Variants in TRIO observed in about 807,000 individuals in gnomAD.
TRIO encodes the protein triple functional domain protein.
Under a neutral mutation model 351.9 loss-of-function variants are expected in TRIO, and 58 were observed. The ratio of observed to expected loss-of-function variants is 0.16; its 90% CI spans 0.13 to 0.21. The LOEUF is 0.21. TRIO is among the 10% of genes least tolerant of loss of function. TRIO has a pLI of 1.00. For missense variants in TRIO, 3,201 were observed against 4,027.8 expected, an observed-to-expected ratio of 0.79 and a Z score of 5.56; for synonymous variants, 1,758 against 1,595.7, an observed-to-expected ratio of 1.10 and a Z score of -2.42.
Position 14,163,643 on chromosome 5 carries a change from C to G in TRIO, c.157+19761C>G, listed in dbSNP as rs187334614. On this transcript the variant is annotated intron_variant, in intron 1 of 56. Coordinates refer to ENST00000344204, the MANE Select transcript of TRIO (RefSeq NM_007118.4). Reference sequence around the variant, plus strand: ...ATTGCCTCTTGCAGGGAGCTGCATCCTGATTGGGATTCTGGCACATTCACA... The same window carrying G: ...ATTGCCTCTTGCAGGGAGCTGCATCGTGATTGGGATTCTGGCACATTCACA... 5.4e-3 allele frequency among the ~76,000 whole-genome samples: 830 copies of G among 152,318 alleles called. 6 individuals carry two copies. The highest frequency in any genetic ancestry group is 0.019 in the African/African-American group (801 of 41,562).
intron 54 of TRIO, 118 bp downstream of exon 54, chr5:14,502,775 T>G (rs1296263884): frequency 1.0e-6 from 1 of 992,634 alleles, no homozygotes. Flanking sequence ...GCTGTGTGTC[T>G]TGCATTTGAA....
At chr5:14,489,864 C>T (rs1019189214) in intron 48 of TRIO, among the ~76,000 whole-genome samples, 2 of 152,156 alleles carry the variant, frequency 1.3e-5, no homozygotes, top group South Asian at 2.1e-4. Context: ...CCTACTTGTT[C>T]TCATGTGGCA....
At position 14,349,787 on chromosome 5, in the gene TRIO, G is replaced by A. The variant is rs186575507; in HGVS notation, c.2047-8391G>A. Among the ~76,000 whole-genome samples, 93 of 152,306 alleles carry A rather than the reference G, an allele frequency of 6.1e-4. 2 individuals carry two copies. The highest frequency in any genetic ancestry group is 8.5e-4 in the Admixed American group (13 of 15,294). On this transcript the variant is annotated intron_variant, in intron 11 of 56. Transcript: ENST00000344204. ...AGGCTTGTTATATAGATAAACTCATGTCACAGGGGGTTGGTGTACAGATTA... is the reference window on the plus strand; with the variant it reads ...AGGCTTGTTATATAGATAAACTCATATCACAGGGGGTTGGTGTACAGATTA...
At chr5:14,192,628 G>T (rs1358297630) in intron 1 of TRIO, among the ~76,000 whole-genome samples, 1 of 152,114 alleles carries the variant, frequency 6.6e-6, no homozygotes, top group Non-Finnish European at 1.5e-5. Flanking sequence ...AGAATATAAT[G>T]GGACCCTACT....
rs1173483619 is a variant in TRIO, at chr5:14,405,862, G to A, written c.4731G>A (p.Glu1577=). The change falls in exon 32 of 57, where the codon GAG becomes GAA. Residue 1577 remains glutamate (E), a synonymous_variant. Transcript: ENST00000344204. ...ACCTTGTTAAGGCTTCCAGCATAGA[G>A]AACAAGCAGGACTGGATAAAGCATA... ...NKIVLKASSI[E]NKQDWIKHIR... 1 of 1,613,954 alleles carries A rather than the reference G, an allele frequency of 6.2e-7. No homozygotes were observed. The highest frequency in any genetic ancestry group is 8.5e-7 in the Non-Finnish European group (1 of 1,179,980).
At chr5:14,214,410 A>G (rs1792102869) in intron 1 of TRIO, among the ~76,000 whole-genome samples, 1 of 152,178 alleles carries the variant, frequency 6.6e-6, no homozygotes, top group African/African-American at 2.4e-5. Context: ...CCACACACTG[A>G]AAAACTCAGA....
intron 48 of TRIO, among the ~76,000 whole-genome samples, chr5:14,489,629 C>T (rs541609245): frequency 1.8e-4 from 28 of 152,188 alleles, no homozygotes; most frequent in Non-Finnish European, 3.7e-4. Flanking sequence ...CCATTCAGTA[C>T]GAGAGGAGAT....
intron 34 of TRIO, among the ~76,000 whole-genome samples, chr5:14,456,634 G>A (rs1753333070): frequency 6.6e-6 from 1 of 152,196 alleles, no homozygotes; most frequent in African/African-American, 2.4e-5. Flanking sequence ...CCTCTTCTGG[G>A]GAAAGGCAAC....
At chr5:14,461,713 C>T (rs1753823881) in intron 35 of TRIO, among the ~76,000 whole-genome samples, 1 of 152,226 alleles carries the variant, frequency 6.6e-6, no homozygotes, top group Non-Finnish European at 1.5e-5. Flanking sequence ...CTGAGCTGAT[C>T]ATTGTGGCAG....
intron 1 of TRIO, among the ~76,000 whole-genome samples, chr5:14,168,236 C>T (rs1488239055): frequency 6.6e-6 from 1 of 152,180 alleles, no homozygotes; most frequent in Admixed American, 6.5e-5. Context: ...TTTCATGGAC[C>T]TTATCATCCG....
chr5:14,293,173 G>T, intron 6 of TRIO, 39 bp downstream of exon 6: 1 of 1,612,938 alleles, frequency 6.2e-7, no homozygotes, highest in Non-Finnish European at 8.5e-7. Context: ...GCATGTGACA[G>T]TGTTTTAGCA....
At chr5:14,385,568 C>A (rs1033953130) in intron 21 of TRIO, among the ~76,000 whole-genome samples, 1 of 152,154 alleles carries the variant, frequency 6.6e-6, no homozygotes, top group Non-Finnish European at 1.5e-5. Flanking sequence ...TATACATTTG[C>A]GCACTTGCTT....
At chr5:14,402,145 T>A (rs1430880405) in intron 31 of TRIO, among the ~76,000 whole-genome samples, 2 of 152,232 alleles carry the variant, frequency 1.3e-5, no homozygotes, top group African/African-American at 4.8e-5. Context: ...TAAATTTAAA[T>A]AACTGTATTT....
At chr5:14,246,798 T>G (rs1794464872) in intron 1 of TRIO, among the ~76,000 whole-genome samples, 1 of 152,178 alleles carries the variant, frequency 6.6e-6, no homozygotes, top group Non-Finnish European at 1.5e-5. Flanking sequence ...TCTGCTTCTG[T>G]CTCTGCACCT....
intron 21 of TRIO, among the ~76,000 whole-genome samples, chr5:14,382,343 C>T (rs1382520606): frequency 1.3e-5 from 2 of 152,204 alleles, no homozygotes; most frequent in Non-Finnish European, 2.9e-5. Flanking sequence ...TTACTGACTC[C>T]TCCTGCTCTT....
chr5:14,366,809 A>C, intron 15 of TRIO, 51 bp from the exon 16 acceptor site: 1 of 1,611,290 alleles, frequency 6.2e-7, no homozygotes, highest in Non-Finnish European at 8.5e-7. Flanking sequence ...GGTGGTCCAC[A>C]GGATTCTCTG....
At chr5:14,354,962 A>G (rs990802240) in intron 11 of TRIO, among the ~76,000 whole-genome samples, 19 of 152,112 alleles carry the variant, frequency 1.2e-4, no homozygotes, top group African/African-American at 4.6e-4. Flanking sequence ...TAAATGGTTT[A>G]TTTTCTTTGT....
At chr5:14,161,285 C>T (rs1157594650) in intron 1 of TRIO, among the ~76,000 whole-genome samples, 2 of 152,184 alleles carry the variant, frequency 1.3e-5, no homozygotes, top group Non-Finnish European at 1.5e-5. Flanking sequence ...CTTCTTGCCC[C>T]TGTTGGCCTG....
intron 1 of TRIO, among the ~76,000 whole-genome samples, chr5:14,179,649 G>C (rs1789630655): frequency 6.6e-6 from 1 of 151,266 alleles, no homozygotes. Flanking sequence ...CAGTTTCACT[G>C]TTTTGCCCAG....
Sources: allele counts gnomAD v4.1 joint callset (sites outside exome capture counted in the v4.1 genomes callset), GRCh38; gene constraint gnomAD v4.1.1; transcripts MANE v1.5; gene names NCBI Gene and HGNC (gene_info 2026-07-23, HGNC 2026-07-21).